MALRD1: variants seen among roughly 807,000 people sequenced by gnomAD.
MALRD1 encodes MAM and LDL-receptor class A domain-containing protein 1.
In MALRD1, 247 loss-of-function variants were observed where a neutral mutation model predicts 242.1. The observed-to-expected ratio is 1.02, with a 90% CI of 0.92 to 1.13. MALRD1 has a LOEUF of 1.13. MALRD1 is among the 50% of genes most tolerant of loss of function. The pLI is 0.00. For missense variants in MALRD1, 2,989 were observed against 2,533.1 expected, an observed-to-expected ratio of 1.18 and a Z score of -3.86; for synonymous variants, 995 against 866.6, an observed-to-expected ratio of 1.15 and a Z score of -2.60.
intron 19 of MALRD1, among the ~76,000 whole-genome samples, chr10:19,274,990 C>T (rs1004985550): frequency 2.0e-5 from 3 of 152,106 alleles, no homozygotes; most frequent in African/African-American, 4.8e-5. Flanking sequence ...TTGGTACAAA[C>T]TAGTATTCGG....
chr10:19,658,214 C>T (rs1841259769), intron 36 of MALRD1, among the ~76,000 whole-genome samples: 1 of 152,034 alleles, frequency 6.6e-6, no homozygotes, highest in Non-Finnish European at 1.5e-5. Context: ...CATTAAGAAT[C>T]TCCATTATAC....
At chr10:19,600,425 C>A (rs970013379) in intron 34 of MALRD1, among the ~76,000 whole-genome samples, 1 of 152,108 alleles carries the variant, frequency 6.6e-6, no homozygotes, top group Non-Finnish European at 1.5e-5. Flanking sequence ...ATTAAATTAT[C>A]TTATAGTTTC....
At chr10:19,578,490 G>C (rs1836939651) in intron 33 of MALRD1, among the ~76,000 whole-genome samples, 1 of 152,138 alleles carries the variant, frequency 6.6e-6, no homozygotes, top group South Asian at 2.1e-4. Flanking sequence ...TCAGGTGTTT[G>C]AGACCACCCT....
chr10:19,124,562 T>G lies in MALRD1; in HGVS notation c.835T>G (p.Trp279Gly), dbSNP rs879856455. The G allele has an allele frequency of 1.6e-6, 2 of 1,233,654 alleles. No homozygotes were observed. 76.4% of individuals were successfully genotyped at this position (1,233,654 alleles called of 1,614,324 possible). A position where few individuals can be genotyped will look rare whatever the true frequency, so the allele number is the denominator to read the frequency against. The stretch of plus-strand genomic sequence containing the variant: ...TGGGTTTGAATTTGACATGTGTGAG[T>G]GGACGTCAGAAGCATCTGCTGGCCA... Reference protein sequence around the residue: ...ACGFEFDMCEWTSEASAGQIS... With the variant: ...ACGFEFDMCEGTSEASAGQIS... The change falls in exon 7 of 40, where the codon TGG becomes GGG. Residue 279 changes from tryptophan to glycine, a missense_variant. Transcript: ENST00000454679.
At chr10:19,415,442 T>A (rs1833478643) in intron 28 of MALRD1, among the ~76,000 whole-genome samples, 1 of 152,188 alleles carries the variant, frequency 6.6e-6, no homozygotes, top group Non-Finnish European at 1.5e-5. Context: ...GTTGTTAAGA[T>A]GATTTATCTT....
chr10:19,238,532 C>T lies in MALRD1; in HGVS notation c.2992-19152C>T, dbSNP rs187555803. ...TATAATGTATATTATATATAATATA[C>T]ATTATATATAATATATAATGTATAT... On this transcript the variant is annotated intron_variant, in intron 18 of 39. Transcript: ENST00000454679. 2.4e-3 allele frequency among the ~76,000 whole-genome samples: 136 copies of T among 55,840 alleles called. 8 individuals are homozygous for T. The highest frequency in any genetic ancestry group is 5.2e-3 in the East Asian group (10 of 1,926). 36.6% of individuals were successfully genotyped at this position (55,840 alleles called of 152,430 possible).
intron 24 of MALRD1, among the ~76,000 whole-genome samples, chr10:19,344,870 T>A (rs750078224): frequency 6.6e-6 from 1 of 152,064 alleles, no homozygotes; most frequent in Non-Finnish European, 1.5e-5. Flanking sequence ...CATTGATCAA[T>A]GGACAAATTA....
At chr10:19,506,045 G>A (rs11010197) in intron 31 of MALRD1, among the ~76,000 whole-genome samples, 4,850 of 152,226 alleles carry the variant, frequency 0.032, 118 homozygotes, top group Middle Eastern at 0.071. Flanking sequence ...AGAATTCTGC[G>A]TGGGATTCCA....
intron 4 of MALRD1, among the ~76,000 whole-genome samples, chr10:19,099,117 T>C (rs951797754): frequency 3.3e-5 from 5 of 152,178 alleles, no homozygotes; most frequent in African/African-American, 9.7e-5. Context: ...GCTTCTATAT[T>C]GGTTATGCCT....
intron 28 of MALRD1, among the ~76,000 whole-genome samples, chr10:19,396,819 A>G (rs1286642957): frequency 6.6e-6 from 1 of 152,178 alleles, no homozygotes; most frequent in Non-Finnish European, 1.5e-5. Flanking sequence ...GTGTTCATCA[A>G]CTTCAGCAGT....
intron 28 of MALRD1, among the ~76,000 whole-genome samples, chr10:19,435,121 T>C (rs1233589771): frequency 6.7e-6 from 1 of 149,238 alleles, no homozygotes; most frequent in Non-Finnish European, 1.5e-5. Flanking sequence ...ATATACATAA[T>C]ATATTTTATA....
Position 19,540,543 on chromosome 10 carries a change from A to G in MALRD1, c.5478+9192A>G, listed in dbSNP as rs182239000. ...CGTTGATACTTATATTCACTTAATC[A>G]GGTACTAGGTTATCATTTATTGCCG... is the stretch of plus-strand genomic sequence containing the variant. On this transcript the variant is annotated intron_variant, in intron 32 of 39. Coordinates refer to ENST00000454679, the MANE Select transcript of MALRD1 (RefSeq NM_001142308.3). 4.1e-4 allele frequency among the ~76,000 whole-genome samples: 62 copies of G among 152,332 alleles called. 1 individual carries two copies. In the East Asian group the frequency reaches 7.3e-3, roughly 18 times the overall value.
At chr10:19,653,903 A>T (rs1841008293) in intron 36 of MALRD1, among the ~76,000 whole-genome samples, 1 of 152,170 alleles carries the variant, frequency 6.6e-6, no homozygotes, top group Non-Finnish European at 1.5e-5. Flanking sequence ...GCTGCTGAGA[A>T]ATGATTCTAC....
intron 12 of MALRD1, among the ~76,000 whole-genome samples, chr10:19,158,316 T>A (rs1442381256): frequency 6.6e-6 from 1 of 152,256 alleles, no homozygotes; most frequent in Admixed American, 6.5e-5. Flanking sequence ...CATCTATTGA[T>A]CTTTCTTTTG....
In MALRD1 at chr10:19,209,384, A is replaced by T; in HGVS notation, c.2695A>T (p.Met899Leu). 6.4e-7 allele frequency: 1 copy of T among 1,551,076 alleles called. No homozygotes were observed. Among genetic ancestry groups the T allele is most frequent in the Non-Finnish European group, 8.7e-7 (1 of 1,147,088 alleles). The change falls in exon 18 of 40, where the codon ATG becomes TTG. Residue 899 changes from methionine (M) to leucine (L), a missense_variant. By Grantham distance (15) the Met-to-Leu change is conservative. Transcript: ENST00000454679. ...AACTCCAACACTTAACACAGGGCCAATGAAAGATAACACTCTGGGCACAGC... is the reference window on the plus strand; with the variant it reads ...AACTCCAACACTTAACACAGGGCCATTGAAAGATAACACTCTGGGCACAGC... The part of the protein sequence containing the change: ...GPTPTLNTGP[M>L]KDNTLGTAKG...
At chr10:19,582,017 C>T (rs1384174754) in intron 33 of MALRD1, among the ~76,000 whole-genome samples, 1 of 152,124 alleles carries the variant, frequency 6.6e-6, no homozygotes, top group Non-Finnish European at 1.5e-5. Context: ...GCATAAATGC[C>T]TTCTTTTGAG....
chr10:19,285,861 A>T (rs1254302460), intron 21 of MALRD1, among the ~76,000 whole-genome samples: 1 of 98,780 alleles, frequency 1.0e-5, no homozygotes, highest in Admixed American at 1.2e-4. Flanking sequence ...CCATTTTCAC[A>T]ATATTGATTC....
chr10:19,199,011 G>T (rs1836394808), intron 14 of MALRD1, among the ~76,000 whole-genome samples: 1 of 152,152 alleles, frequency 6.6e-6, no homozygotes, highest in Non-Finnish European at 1.5e-5. Context: ...TACAGAACCT[G>T]TTCCAAAATA....
chr10:19,140,050 T>A (rs1227463365), intron 10 of MALRD1, among the ~76,000 whole-genome samples: 1 of 152,198 alleles, frequency 6.6e-6, no homozygotes, highest in African/African-American at 2.4e-5. Context: ...AATAAAATAT[T>A]TATAATGTGT....
Sources: gnomAD v4.1 joint callset for allele counts (sites outside exome capture counted in the v4.1 genomes callset) on GRCh38, gnomAD v4.1.1 for gene constraint, MANE v1.5 for transcripts, NCBI Gene and HGNC (gene_info 2026-07-23, HGNC 2026-07-21) for gene names.